LRRTM4: variants seen among roughly 807,000 people sequenced by gnomAD.
LRRTM4 encodes the protein leucine-rich repeat transmembrane neuronal protein 4.
A neutral mutation model predicts 47.6 loss-of-function variants in LRRTM4; 25 were observed. The ratio of observed to expected loss-of-function variants is 0.53; its 90% CI spans 0.38 to 0.73. The LOEUF is 0.73. Ranked by LOEUF, LRRTM4 falls within the 30% of genes least tolerant of loss-of-function variation. The pLI is 0.00. For synonymous variants in LRRTM4, 311 were observed against 269.5 expected, an observed-to-expected ratio of 1.15 and a Z score of -1.51; for missense variants, 638 against 713.4, an observed-to-expected ratio of 0.89 and a Z score of 1.20.
intron 3 of LRRTM4, among the ~76,000 whole-genome samples, chr2:77,061,629 A>G (rs886947451): frequency 2.6e-5 from 4 of 152,192 alleles, no homozygotes; most frequent in African/African-American, 7.2e-5. Context: ...GCTAATTTTC[A>G]TATTAGTAGA....
chr2:77,507,796 T>C (rs146104067), intron 3 of LRRTM4, among the ~76,000 whole-genome samples: 2 of 151,852 alleles, frequency 1.3e-5, no homozygotes, highest in Non-Finnish European at 2.9e-5. Context: ...ATGCACAAAA[T>C]GGAATTCCAG....
intron 3 of LRRTM4, among the ~76,000 whole-genome samples, chr2:76,808,500 C>A (rs939309868): frequency 6.6e-6 from 1 of 150,562 alleles, no homozygotes; most frequent in Non-Finnish European, 1.5e-5. Flanking sequence ...TACCTGAAAT[C>A]CAATCATGCC....
chr2:77,393,157 TCTC>T (rs1237069385), intron 3 of LRRTM4, among the ~76,000 whole-genome samples: 1 of 151,948 alleles, frequency 6.6e-6, no homozygotes, highest in African/African-American at 2.4e-5. Flanking sequence ...TAACTAGAAA[TCTC>T]CTTCTTCATT....
At chr2:77,249,689 G>A (rs1210078445) in intron 3 of LRRTM4, among the ~76,000 whole-genome samples, 1 of 152,174 alleles carries the variant, frequency 6.6e-6, no homozygotes, top group Non-Finnish European at 1.5e-5. Context: ...GGAATGTGGT[G>A]GAACAGTAAC....
At chr2:76,933,490 T>C (rs1248644663) in intron 3 of LRRTM4, among the ~76,000 whole-genome samples, 1 of 152,120 alleles carries the variant, frequency 6.6e-6, no homozygotes, top group Non-Finnish European at 1.5e-5. Context: ...TAAATAGAAT[T>C]GGGGTATGTA....
intron 3 of LRRTM4, among the ~76,000 whole-genome samples, chr2:77,062,562 C>T (rs1220446705): frequency 2.6e-5 from 4 of 152,244 alleles, no homozygotes; most frequent in South Asian, 2.1e-4. Flanking sequence ...AAAATGACCT[C>T]GTACTTCTGC....
intron 3 of LRRTM4, among the ~76,000 whole-genome samples, chr2:76,752,011 A>G (rs1182095473): frequency 6.6e-6 from 1 of 152,206 alleles, no homozygotes; most frequent in Non-Finnish European, 1.5e-5. Context: ...CTAATTTTCT[A>G]CAAATTAGCC....
intron 3 of LRRTM4, among the ~76,000 whole-genome samples, chr2:77,066,071 T>C (rs1313011320): frequency 6.6e-6 from 1 of 152,198 alleles, no homozygotes; most frequent in African/African-American, 2.4e-5. Context: ...AAAAATGGTG[T>C]ACTATAACTT....
intron 3 of LRRTM4, among the ~76,000 whole-genome samples, chr2:77,483,649 G>C (rs575749999): frequency 1.3e-5 from 2 of 152,270 alleles, no homozygotes; most frequent in African/African-American, 4.8e-5. Context: ...CAGGGAAGAG[G>C]ACTTTGAGTG....
At chr2:76,893,857 A>C (rs1487797461) in intron 3 of LRRTM4, among the ~76,000 whole-genome samples, 1 of 151,854 alleles carries the variant, frequency 6.6e-6, no homozygotes, top group Non-Finnish European at 1.5e-5. Flanking sequence ...AATTGTATAC[A>C]TTTTGGGTGC....
intron 3 of LRRTM4, among the ~76,000 whole-genome samples, chr2:76,845,865 A>C (rs1573202963): frequency 6.6e-6 from 1 of 152,102 alleles, no homozygotes; most frequent in South Asian, 2.1e-4. Context: ...TTCAGAAGCT[A>C]GGGGTGGTGG....
rs149907481 is a variant in LRRTM4, at chr2:77,232,971, A to C, written c.1551+285347T>G. On this transcript the variant is annotated intron_variant, in intron 3 of 3. Coordinates refer to ENST00000409884, the MANE Select transcript of LRRTM4 (RefSeq NM_001134745.3). ...AAAATGTGGCAAAACTATAACAAAA[A>C]AATCTTTAAAAGAAAATTACATTTG... 4.0e-3 allele frequency among the ~76,000 whole-genome samples: 613 copies of C among 152,312 alleles called. 4 individuals carry two copies. Among genetic ancestry groups the C allele is most frequent in the African/African-American group, 0.014 (584 of 41,578 alleles).
At chr2:77,392,042 A>G (rs1673525060) in intron 3 of LRRTM4, among the ~76,000 whole-genome samples, 1 of 152,042 alleles carries the variant, frequency 6.6e-6, no homozygotes, top group South Asian at 2.1e-4. Context: ...TTCTTTAGAG[A>G]ATCTCCTTCC....
chr2:77,277,179 C>G (rs1319618066), intron 3 of LRRTM4, among the ~76,000 whole-genome samples: 1 of 151,954 alleles, frequency 6.6e-6, no homozygotes, highest in African/African-American at 2.4e-5. Context: ...TCTTTGGAAA[C>G]AGTTACATGC....
intron 3 of LRRTM4, among the ~76,000 whole-genome samples, chr2:77,011,103 A>C (rs1288720490): frequency 6.6e-6 from 1 of 152,164 alleles, no homozygotes; most frequent in East Asian, 1.9e-4. Flanking sequence ...GCAAGTCCCA[A>C]ATATGAGGCA....
intron 3 of LRRTM4, among the ~76,000 whole-genome samples, chr2:76,756,370 C>T (rs1003447502): frequency 2.6e-5 from 4 of 152,094 alleles, no homozygotes; most frequent in Non-Finnish European, 1.5e-5. Context: ...TTGCCTGTAA[C>T]GTTTGCTTCC....
intron 3 of LRRTM4, among the ~76,000 whole-genome samples, chr2:76,918,437 A>C (rs1270621003): frequency 1.3e-5 from 2 of 152,172 alleles, no homozygotes; most frequent in Non-Finnish European, 2.9e-5. Flanking sequence ...TCTTTGACAA[A>C]ATGCAGAATT....
At chr2:76,948,077 AAG>A (rs1341369919) in intron 3 of LRRTM4, among the ~76,000 whole-genome samples, 1 of 151,882 alleles carries the variant, frequency 6.6e-6, no homozygotes, top group East Asian at 1.9e-4. Flanking sequence ...GCTTTGAGTC[AAG>A]AGAGAGATTC....
intron 3 of LRRTM4, among the ~76,000 whole-genome samples, chr2:76,802,542 C>G (rs114225621): frequency 0.012 from 1,808 of 152,120 alleles, 35 homozygotes; most frequent in African/African-American, 0.04. Context: ...GTCTATACTA[C>G]TACAAATGAT....
Sources: gnomAD v4.1 joint callset for allele counts (sites outside exome capture counted in the v4.1 genomes callset) on GRCh38, gnomAD v4.1.1 for gene constraint, MANE v1.5 for transcripts, NCBI Gene and HGNC (gene_info 2026-07-23, HGNC 2026-07-21) for gene names.